The following RIPK4 variants were observed in gnomAD, a reference collection of about 807,000 sequenced individuals.
RIPK4 encodes the protein receptor-interacting serine/threonine-protein kinase 4.
In RIPK4, 17 loss-of-function variants were observed where a neutral mutation model predicts 42.9. The ratio of observed to expected loss-of-function variants is 0.40; its 90% CI spans 0.27 to 0.59. The LOEUF (loss-of-function observed/expected upper bound fraction) is 0.59. Ranked by LOEUF, RIPK4 falls within the 20% of genes least tolerant of loss-of-function variation. The pLI is 0.47. For missense variants in RIPK4, 897 were observed against 1,104.4 expected, an observed-to-expected ratio of 0.81 and a Z score of 2.66; for synonymous variants, 498 against 499.1, an observed-to-expected ratio of 1.00 and a Z score of 0.03.
intron 1 of RIPK4, among the ~76,000 whole-genome samples, chr21:41,758,021 A>AAATATATAT (rs1555910478): frequency 3.9e-5 from 2 of 51,370 alleles, no homozygotes; most frequent in African/African-American, 2.3e-4. Context: ...AAAAAAAAAA[A>AAATATATAT]ATATATATAT....
intron 4 of RIPK4, among the ~76,000 whole-genome samples, chr21:41,747,070 G>A (rs1223565353): frequency 1.3e-5 from 2 of 152,244 alleles, no homozygotes; most frequent in Non-Finnish European, 2.9e-5. Context: ...CCCATCCAAA[G>A]GAAGATGAGG....
At chr21:41,747,065 C>G (rs1257282568) in intron 4 of RIPK4, among the ~76,000 whole-genome samples, 1 of 152,240 alleles carries the variant, frequency 6.6e-6, no homozygotes, top group Non-Finnish European at 1.5e-5. Flanking sequence ...GGCATCCCAT[C>G]CAAAGGAAGA....
At chr21:41,763,647 G>A (rs941555489) in intron 1 of RIPK4, among the ~76,000 whole-genome samples, 1 of 152,214 alleles carries the variant, frequency 6.6e-6, no homozygotes, top group Non-Finnish European at 1.5e-5. Context: ...TCTCAGCGAG[G>A]CCTTCTGCAC....
At chr21:41,746,119 A>G in intron 5 of RIPK4, 1 of 689,068 alleles carries the variant, frequency 1.5e-6, no homozygotes, top group Non-Finnish European at 2.7e-6. Flanking sequence ...TGCCAGTCAC[A>G]GGGAGCAGAG....
In RIPK4 at chr21:41,741,968, T is replaced by G. The variant is rs149113612; in HGVS notation, c.1225A>C (p.Lys409Gln). The G allele has an allele frequency of 1.2e-5, 20 of 1,603,542 alleles. No individual in the cohort carries two copies. The highest frequency in any genetic ancestry group is 4.5e-5 in the East Asian group (2 of 44,678). The change falls in exon 8 of 8, where the codon AAG (lysine) becomes CAG (glutamine). Residue 409 changes from lysine (K) to glutamine (Q), a missense_variant. By Grantham distance (53) the Lys-to-Gln change is moderately conservative. Coordinates refer to ENST00000332512, the MANE Select transcript of RIPK4 (RefSeq NM_020639.3). ...DLGTTDVQKKKLVDAIVSGDT... is the reference protein window; with the variant it reads ...DLGTTDVQKKQLVDAIVSGDT... ...CCGGACACGATGGCATCCACAAGCTTCTTCTTCTGGACGTCTGTGGTGCCC... is the reference window on the plus strand; with the variant it reads ...CCGGACACGATGGCATCCACAAGCTGCTTCTTCTGGACGTCTGTGGTGCCC...
At chr21:41,748,092 G>A (rs955788385) in intron 4 of RIPK4, among the ~76,000 whole-genome samples, 1 of 152,352 alleles carries the variant, frequency 6.6e-6, no homozygotes, top group African/African-American at 2.4e-5. Context: ...GCGGGAGAAC[G>A]TACAGAAGGC....
chr21:41,745,603 A>G (rs554380648), intron 6 of RIPK4, among the ~76,000 whole-genome samples, 156 bp downstream of exon 6: 7 of 152,056 alleles, frequency 4.6e-5, no homozygotes, highest in African/African-American at 1.2e-4. Flanking sequence ...CTGAGCCCCC[A>G]TGGGACCTAC....
At chr21:41,756,953 A>T (rs138844254) in intron 1 of RIPK4, 137 bp from the exon 2 acceptor site, 1 of 842,052 alleles carries the variant, frequency 1.2e-6, no homozygotes, top group East Asian at 2.7e-5. Flanking sequence ...GCACACTTCA[A>T]TGTCACATCA....
chr21:41,746,479 T>C, intron 5 of RIPK4, 134 bp downstream of exon 5: 1 of 1,102,470 alleles, frequency 9.1e-7, no homozygotes, highest in Non-Finnish European at 1.3e-6. Context: ...AACCTATCTG[T>C]GCAGGGCTCA....
At chr21:41,744,411 C>T (rs556643135) in intron 6 of RIPK4, among the ~76,000 whole-genome samples, 18 of 152,258 alleles carry the variant, frequency 1.2e-4, no homozygotes, top group African/African-American at 1.2e-4. Flanking sequence ...ACCCTGCACC[C>T]GCACAGCACT....
At position 41,762,337 on chromosome 21, in the gene RIPK4, T is replaced by C. The variant is rs970944980; in HGVS notation, c.182+4523A>G. 3.4e-4 allele frequency among the ~76,000 whole-genome samples: 51 copies of C among 152,172 alleles called. 2 individuals are homozygous for C. The highest frequency in any genetic ancestry group is 1.3e-4 in the Admixed American group (2 of 15,266). ...CAGGAGTGGGGGTGGGGCGGCTCCC[T>C]TGCCTACCAGCCTGGATTTCGCTCA... On this transcript the variant is annotated intron_variant, in intron 1 of 7. Transcript: ENST00000332512.
In RIPK4 at chr21:41,742,064, G is replaced by T. The variant is rs2061156481; in HGVS notation, c.1196-67C>A. 4 of 1,423,458 alleles carry T rather than the reference G, an allele frequency of 2.8e-6. No individual in the cohort carries two copies. The South Asian group carries it at 4.1e-5, about 15-fold the overall frequency. The allele number at this position is 1,423,458 out of a possible 1,614,324, so 88.2% of individuals were successfully genotyped here. A position where few individuals can be genotyped will look rare whatever the true frequency, so the allele number is the denominator to read the frequency against. ...ATCCAGGGACGTGGCGTCTCTGGGAGCCTGGCTGTGGCGCTCAGGTGGAGG... is the reference window on the plus strand; with the variant it reads ...ATCCAGGGACGTGGCGTCTCTGGGATCCTGGCTGTGGCGCTCAGGTGGAGG... On this transcript the variant is annotated intron_variant, in intron 7 of 7. Transcript: ENST00000332512. This position sits in a 1 kb window ranked among gnomAD's most constrained non-coding sequence, Gnocchi z 5.1.
At chr21:41,744,912 G>C (rs1410324209) in intron 6 of RIPK4, among the ~76,000 whole-genome samples, 2 of 152,220 alleles carry the variant, frequency 1.3e-5, no homozygotes, top group South Asian at 4.1e-4. Flanking sequence ...CAGGTTTCTG[G>C]TGGGTAAGTG....
At chr21:41,743,740 A>T in intron 7 of RIPK4, 142 bp downstream of exon 7, 1 of 1,104,692 alleles carries the variant, frequency 9.1e-7, no homozygotes, top group Non-Finnish European at 1.3e-6. Context: ...AAAATTAATT[A>T]CTTAAGACAG....
intron 4 of RIPK4, 70 bp downstream of exon 4, chr21:41,749,084 G>A (rs758801828): frequency 2.0e-6 from 3 of 1,517,228 alleles, no homozygotes; most frequent in Non-Finnish European, 1.8e-6. Context: ...ATAGAGAAAG[G>A]ACAACAAGGT....
intron 4 of RIPK4, 150 bp downstream of exon 4, chr21:41,749,004 C>A: frequency 1.3e-6 from 1 of 789,566 alleles, no homozygotes; most frequent in Non-Finnish European, 2.1e-6. Flanking sequence ...AGATCTGTGT[C>A]TTTTCCTGCA....
chr21:41,741,093 TC>T lies in RIPK4; in HGVS notation c.2099del (p.Gly700AspfsTer3). 1 of 1,611,808 alleles carries T rather than the reference TC, an allele frequency of 6.2e-7. No individual in the cohort carries two copies. On this transcript the variant is annotated frameshift_variant, in exon 8 of 8. Transcript: ENST00000332512. LOFTEE classifies it high-confidence loss of function. ...VEEKADVLARGPLNQTALHLA... is the reference protein window; with the variant it reads ...VEEKADVLARXPLNQTALHLA... ...GGTGCAGCGCCGTCTGGTTCAGGGG[TC>T]CCCGGGCCAGCACATCGGCCTTCTC...
In RIPK4 at chr21:41,755,540, TCA is replaced by T. The variant is rs1033925989; in HGVS notation, c.474+983_474+984del. ...TCTCTCCTAATTAATGGTCAGGCCA[TCA>T]GAGAGGCCTGGAAGTGCTGTGCCAC... On this transcript the variant is annotated intron_variant, in intron 2 of 7. Transcript: ENST00000332512. This position sits in a 1 kb window ranked among gnomAD's most constrained non-coding sequence, Gnocchi z 4.2. Among the ~76,000 whole-genome samples the T allele has an allele frequency of 3.9e-5, 6 of 152,124 alleles. No homozygotes were observed. The highest frequency in any genetic ancestry group is 1.4e-4 in the African/African-American group (6 of 41,426).
intron 2 of RIPK4, among the ~76,000 whole-genome samples, chr21:41,752,968 T>C (rs2061192861): frequency 1.3e-5 from 2 of 152,182 alleles, no homozygotes; most frequent in South Asian, 2.1e-4. Flanking sequence ...TGGCACATTC[T>C]GCACATGTAT....
Sources: gnomAD v4.1 joint callset for allele counts (sites outside exome capture counted in the v4.1 genomes callset) on GRCh38, gnomAD v4.1.1 for gene constraint, Gnocchi (gnomAD v3.1) non-coding constraint, MANE v1.5 for transcripts, NCBI Gene and HGNC (gene_info 2026-07-23, HGNC 2026-07-21) for gene names.